Variants in TTC28 observed in about 807,000 individuals in gnomAD.
The protein encoded by TTC28 is tetratricopeptide repeat domain 28.
Under a neutral mutation model 198.0 loss-of-function variants are expected in TTC28, and 61 were observed. The observed-to-expected ratio is 0.31, with a 90% CI of 0.25 to 0.38. The LOEUF is 0.38. TTC28 is among the 10% of genes least tolerant of loss of function. TTC28 has a pLI of 1.00. For synonymous variants in TTC28, 1,171 were observed against 1,297.8 expected, an observed-to-expected ratio of 0.90 and a Z score of 2.10; for missense variants, 2,678 against 3,164.0, an observed-to-expected ratio of 0.85 and a Z score of 3.69.
At chr22:28,083,762 T>A (rs941004492) in intron 12 of TTC28, among the ~76,000 whole-genome samples, 1 of 152,156 alleles carries the variant, frequency 6.6e-6, no homozygotes, top group African/African-American at 2.4e-5. Flanking sequence ...CCTTTCCTAG[T>A]CAAAGAAAGG....
Position 28,661,569 on chromosome 22 carries a change from G to A in TTC28, c.102+18053C>T, listed in dbSNP as rs532713798. On this transcript the variant is annotated intron_variant, in intron 1 of 22. Transcript: ENST00000397906. The stretch of plus-strand genomic sequence containing the variant: ...TGAGTAGCTGGGACTACAGGTACAT[G>A]CCACCATACCCGGCTAATTTGACTG... Among the ~76,000 whole-genome samples, 19 of 151,928 alleles carry A rather than the reference G, an allele frequency of 1.3e-4. No homozygotes were observed. In the South Asian group the frequency reaches 3.9e-3, roughly 32 times the overall value.
chr22:28,169,297 A>G (rs1201652588), intron 5 of TTC28, among the ~76,000 whole-genome samples: 2 of 152,162 alleles, frequency 1.3e-5, no homozygotes, highest in African/African-American at 4.8e-5. Context: ...TAGAAATACC[A>G]TTTGACCCAG....
intron 2 of TTC28, among the ~76,000 whole-genome samples, chr22:28,462,481 T>C (rs867544812): frequency 2.4e-4 from 37 of 152,198 alleles, no homozygotes; most frequent in African/African-American, 8.4e-4. Context: ...CCTTTGTTCA[T>C]TGAGATTTGG....
At chr22:28,322,479 G>T (rs558074141) in intron 2 of TTC28, among the ~76,000 whole-genome samples, 1 of 152,112 alleles carries the variant, frequency 6.6e-6, no homozygotes, top group Non-Finnish European at 1.5e-5. Context: ...GATCATTAAT[G>T]TTTATTTTGT....
chr22:28,172,713 T>A (rs949466855), intron 5 of TTC28, among the ~76,000 whole-genome samples: 2 of 152,186 alleles, frequency 1.3e-5, no homozygotes, highest in Non-Finnish European at 1.5e-5. Flanking sequence ...GGACTCTCCG[T>A]GATGGGTGTC....
intron 2 of TTC28, among the ~76,000 whole-genome samples, chr22:28,371,961 T>C (rs758456145): frequency 5.9e-5 from 9 of 151,926 alleles, no homozygotes; most frequent in Non-Finnish European, 1.2e-4. Context: ...TGGTGGTGTG[T>C]GCCTGTAGTC....
chr22:28,436,723 T>C (rs539243827), intron 2 of TTC28, among the ~76,000 whole-genome samples: 2 of 152,320 alleles, frequency 1.3e-5, no homozygotes, highest in African/African-American at 2.4e-5. Flanking sequence ...CTAGGTGCCA[T>C]TCACATTAAA....
chr22:28,536,198 C>CAAAAAAAAAA (rs59506221), intron 2 of TTC28, among the ~76,000 whole-genome samples: 2 of 64,406 alleles, frequency 3.1e-5, no homozygotes, highest in African/African-American at 5.8e-5. Flanking sequence ...GACACCGTCT[C>CAAAAAAAAAA]AAAAAAAAAA....
intron 2 of TTC28, among the ~76,000 whole-genome samples, chr22:28,364,064 C>T (rs1569284249): frequency 6.6e-6 from 1 of 152,150 alleles, no homozygotes; most frequent in African/African-American, 2.4e-5. Context: ...GGACATGAGA[C>T]CTGGGAGGAA....
At chr22:28,040,051 C>T (rs992072517) in intron 12 of TTC28, among the ~76,000 whole-genome samples, 2 of 152,034 alleles carry the variant, frequency 1.3e-5, no homozygotes, top group East Asian at 3.8e-4. Context: ...AAGTTGAATC[C>T]CTGAATAGAC....
At chr22:28,597,789 C>A (rs1224652950) in intron 2 of TTC28, among the ~76,000 whole-genome samples, 1 of 152,080 alleles carries the variant, frequency 6.6e-6, no homozygotes, top group Non-Finnish European at 1.5e-5. Context: ...AATCCTCTTA[C>A]CTTTTGCGGG....
chr22:28,380,761 T>A (rs577813553), intron 2 of TTC28, among the ~76,000 whole-genome samples: 1 of 152,294 alleles, frequency 6.6e-6, no homozygotes, highest in South Asian at 2.1e-4. Context: ...CTGTTCTAAA[T>A]GCTTTATACA....
chr22:28,223,951 C>G (rs1446137057), intron 5 of TTC28, among the ~76,000 whole-genome samples: 1 of 152,150 alleles, frequency 6.6e-6, no homozygotes, highest in African/African-American at 2.4e-5. Context: ...TTATAAAACA[C>G]TTTATATGTT....
intron 5 of TTC28, among the ~76,000 whole-genome samples, chr22:28,225,986 T>C (rs1024775990): frequency 6.6e-6 from 1 of 152,250 alleles, no homozygotes; most frequent in South Asian, 2.1e-4. Context: ...TTTTTATTAG[T>C]GAGAAGTATT....
At chr22:28,525,655 A>G (rs886804216) in intron 2 of TTC28, among the ~76,000 whole-genome samples, 28 of 152,196 alleles carry the variant, frequency 1.8e-4, no homozygotes, top group African/African-American at 6.0e-4. Flanking sequence ...GAGGCTTCCT[A>G]AAAATAGGAC....
At chr22:28,454,290 T>G (rs2047826479) in intron 2 of TTC28, among the ~76,000 whole-genome samples, 1 of 152,242 alleles carries the variant, frequency 6.6e-6, no homozygotes, top group Non-Finnish European at 1.5e-5. Context: ...CTGCATTTGT[T>G]ATCCAATCCT....
intron 2 of TTC28, among the ~76,000 whole-genome samples, chr22:28,520,377 C>G (rs2048880604): frequency 1.3e-5 from 2 of 152,188 alleles, no homozygotes; most frequent in Admixed American, 1.3e-4. Context: ...AACTGGAGAT[C>G]AACTGCATAT....
chr22:28,204,687 CACTT>C (rs898557170), intron 5 of TTC28, among the ~76,000 whole-genome samples: 1 of 151,992 alleles, frequency 6.6e-6, no homozygotes, highest in African/African-American at 2.4e-5. Context: ...ATTAAAAAAA[CACTT>C]AATCTTTGCC....
intron 2 of TTC28, among the ~76,000 whole-genome samples, chr22:28,363,992 T>C (rs566995748): frequency 6.6e-6 from 1 of 152,284 alleles, no homozygotes; most frequent in African/African-American, 2.4e-5. Flanking sequence ...TTTGAGTTAA[T>C]ACTAAAATGA....
Sources: allele counts gnomAD v4.1 joint callset (sites outside exome capture counted in the v4.1 genomes callset), GRCh38; gene constraint gnomAD v4.1.1; transcripts MANE v1.5; gene names NCBI Gene and HGNC (gene_info 2026-07-23, HGNC 2026-07-21).